Variants in KLK6 observed in about 807,000 individuals in gnomAD.
KLK6 encodes the protein kallikrein-6.
KLK6 carries 16 observed loss-of-function variants against 21.7 expected under a neutral mutation model. The ratio of observed to expected loss-of-function variants is 0.74; its 90% CI spans 0.50 to 1.12. The LOEUF (loss-of-function observed/expected upper bound fraction) is 1.12, where lower values mean the gene tolerates loss of function less well. Among genes scored for constraint, KLK6 ranks in the 50% most tolerant of loss-of-function variants. The pLI is 0.00. For missense variants in KLK6, 276 were observed against 304.6 expected (o/e 0.91, Z 0.70); for synonymous variants, 116 against 120.1 (o/e 0.97, Z 0.22).
intron 6 of KLK6, among the ~76,000 whole-genome samples, chr19:50,960,028 AGGGGGAAGACGAGGAGGAGGAGGG>A (rs2090808352): frequency 5.3e-5 from 4 of 76,106 alleles, no homozygotes; most frequent in Admixed American, 1.2e-4. Context: ...GAGGAGGAGG[AGGGGGAAGACGAGGAGGAGGAGGG>A]AGAGGAGGGG....
intron 4 of KLK6, among the ~76,000 whole-genome samples, chr19:50,964,036 C>T (rs1352291554): frequency 6.6e-6 from 1 of 152,168 alleles, no homozygotes; most frequent in African/African-American, 2.4e-5. Context: ...CGTGGCACAC[C>T]AGGCCTTGCA....
At chr19:50,959,338 T>G in intron 6 of KLK6, 22 bp from the exon 7 acceptor site, 1 of 1,596,256 alleles carries the variant, frequency 6.3e-7, no homozygotes, top group South Asian at 1.1e-5. Context: ...AGGGAGAAAG[T>G]CAGATACAGA....
chr19:50,966,787 C>G (rs60850416), intron 4 of KLK6, among the ~76,000 whole-genome samples: 1 of 152,014 alleles, frequency 6.6e-6, no homozygotes, highest in African/African-American at 2.4e-5. Flanking sequence ...GGTGACAGAG[C>G]GAGACTGTGT....
intron 5 of KLK6, 142 bp downstream of exon 5, chr19:50,963,160 C>T: frequency 8.3e-7 from 1 of 1,209,064 alleles, no homozygotes; most frequent in Non-Finnish European, 1.2e-6. Context: ...CTTGACCTTT[C>T]TCCCATTGAA....
chr19:50,963,522 A>G lies in KLK6; in HGVS notation c.225T>C (p.His75=), dbSNP rs768603007. Residue 75 remains histidine (H), a synonymous_variant, in exon 5 of 7, where the codon CAT becomes CAC. Coordinates refer to ENST00000310157, the MANE Select transcript of KLK6 (RefSeq NM_002774.4). ...KPNLQVFLGK[H]NLRQRESSQE... Reference sequence around the variant, plus strand: ...GGGAACTCTCCCTTTGCCGAAGGTTATGCTTCCCCAGGAAGACCTGAAGAT... The same window carrying G: ...GGGAACTCTCCCTTTGCCGAAGGTTGTGCTTCCCCAGGAAGACCTGAAGAT... 4 of 1,613,914 alleles carry G rather than the reference A, an allele frequency of 2.5e-6. No homozygotes were observed. In the African/African-American group the frequency reaches 4.0e-5, roughly 16 times the overall value.
At position 50,960,038 on chromosome 19, in the gene KLK6, C is replaced by G. The variant is rs909750082; in HGVS notation, c.583-722G>C. ...AGAAGGAGGAGGAGGAGGGGGAAGACGAGGAGGAGGAGGGAGAGGAGGGGG... is the reference window on the plus strand; with the variant it reads ...AGAAGGAGGAGGAGGAGGGGGAAGAGGAGGAGGAGGAGGGAGAGGAGGGGG... On this transcript the variant is annotated intron_variant, in intron 6 of 6. Transcript: ENST00000310157. Among the ~76,000 whole-genome samples the G allele has an allele frequency of 5.0e-3, 213 of 42,712 alleles. 1 individual carries two copies. The highest frequency in any genetic ancestry group is 6.0e-3 in the Non-Finnish European group (152 of 25,238). The allele number at this position is 42,712 out of a possible 152,430, so 28.0% of individuals were successfully genotyped here.
At chr19:50,964,322 T>TC (rs1311801976) in intron 4 of KLK6, among the ~76,000 whole-genome samples, 2 of 152,194 alleles carry the variant, frequency 1.3e-5, no homozygotes, top group Non-Finnish European at 2.9e-5. Flanking sequence ...AATTCCTATC[T>TC]CCCTCCCCTG....
In KLK6 at chr19:50,959,216, G is replaced by T. The variant is rs1385373118; in HGVS notation, c.683C>A (p.Thr228Asn). ...CGSKEKPGVYTNVCRYTNWIQ... is the reference protein window; with the variant it reads ...CGSKEKPGVYNNVCRYTNWIQ... ...CCAGTTCGTGTATCTGCAGACGTTG[G>T]TGTAGACTCCTGGCTTCTCCTTTGA... The change falls in exon 7 of 7, where the codon ACC becomes AAC. Residue 228 changes from threonine (T) to asparagine (N), a missense_variant. Coordinates refer to ENST00000310157, the MANE Select transcript of KLK6 (RefSeq NM_002774.4). 3 of 1,613,970 alleles carry T rather than the reference G, an allele frequency of 1.9e-6. No individual in the cohort carries two copies. Among genetic ancestry groups the T allele is most frequent in the East Asian group, 4.5e-5 (2 of 44,888 alleles).
At chr19:50,959,817 A>AG (rs1568535374) in intron 6 of KLK6, among the ~76,000 whole-genome samples, 1 of 6,874 alleles carries the variant, frequency 1.5e-4, no homozygotes, top group African/African-American at 7.8e-4. Flanking sequence ...AGGAGGAGGA[A>AG]GAGGAGGAGG....
At position 50,959,095 on chromosome 19, in the gene KLK6, C is replaced by G; in HGVS notation, c.*69G>C. On this transcript the variant is annotated 3_prime_UTR_variant, in exon 7 of 7. Coordinates refer to ENST00000310157, the MANE Select transcript of KLK6 (RefSeq NM_002774.4). ...GGCAGGAGAGGAGGGGAGGCAAGGT[C>G]TAGGTGAGAGACGTTCTGGAACCAG... 1.9e-6 allele frequency: 3 copies of G among 1,569,590 alleles called. No homozygotes were observed. Among genetic ancestry groups the G allele is most frequent in the Non-Finnish European group, 2.6e-6 (3 of 1,142,116 alleles).
At chr19:50,960,790 A>C (rs1044672781) in intron 6 of KLK6, among the ~76,000 whole-genome samples, 2 of 151,526 alleles carry the variant, frequency 1.3e-5, no homozygotes, top group African/African-American at 4.9e-5. Flanking sequence ...TTTGAGACGG[A>C]ATCTTGCTCT....
chr19:50,964,548 TC>T (rs2090896132), intron 4 of KLK6, among the ~76,000 whole-genome samples: 2 of 152,244 alleles, frequency 1.3e-5, no homozygotes, highest in African/African-American at 4.8e-5. Flanking sequence ...TTGTGGATTT[TC>T]CATTTCATTA....
intron 6 of KLK6, 26 bp downstream of exon 6, chr19:50,961,718 T>G: frequency 6.2e-7 from 1 of 1,609,474 alleles, no homozygotes; most frequent in African/African-American, 1.3e-5. Flanking sequence ...CCTGGCTGTG[T>G]AAGTGGCAGA....
Position 50,959,016 on chromosome 19 carries a change from G to A in KLK6, c.*148C>T. ...AAGGATGGAGCTGGGGTAAAACCAG[G>A]GAGAATCAGGACCCTCACGTCGCTG... On this transcript the variant is annotated 3_prime_UTR_variant, in exon 7 of 7. Coordinates refer to ENST00000310157, the MANE Select transcript of KLK6 (RefSeq NM_002774.4). 1.2e-6 allele frequency: 1 copy of A among 826,206 alleles called. No individual in the cohort carries two copies. Among genetic ancestry groups the A allele is most frequent in the Non-Finnish European group, 2.0e-6 (1 of 503,814 alleles). 51.2% of individuals were successfully genotyped at this position (826,206 alleles called of 1,614,324 possible).
chr19:50,963,564 G>T lies in KLK6; in HGVS notation c.198-15C>A, dbSNP rs1022037227. The stretch of plus-strand genomic sequence containing the variant: ...CCTGAAGATTCCTGGGAAGGAAGAG[G>T]GCTGGGTCTCACCTGGAGCCCTTGG... On this transcript the variant is annotated splice_polypyrimidine_tract_variant and intron_variant, in intron 4 of 6. Coordinates refer to ENST00000310157, the MANE Select transcript of KLK6 (RefSeq NM_002774.4). The T allele has an allele frequency of 3.1e-6, 5 of 1,613,376 alleles. No homozygotes were observed. The Admixed American group carries it at 8.3e-5, about 27-fold the overall frequency.
chr19:50,959,880 G>A (rs866957212), intron 6 of KLK6, among the ~76,000 whole-genome samples: 1 of 50,068 alleles, frequency 2.0e-5, no homozygotes, highest in Non-Finnish European at 3.7e-5. Context: ...AGGAGGAAGA[G>A]GAGGAGGAGG....
chr19:50,967,379 C>T, intron 3 of KLK6, 54 bp from the exon 4 acceptor site: 1 of 1,516,724 alleles, frequency 6.6e-7, no homozygotes. Context: ...CCAAGCGCAT[C>T]CCCCTCAACA....
Position 50,961,779 on chromosome 19 carries a change from C to A in KLK6, c.547G>T (p.Ala183Ser), listed in dbSNP as rs1171802856. The change falls in exon 6 of 7, where the codon GCT becomes TCT. Residue 183 changes from alanine to serine, a missense_variant. Ala to Ser is a moderately conservative substitution (Grantham distance 99). Coordinates refer to ENST00000310157, the MANE Select transcript of KLK6 (RefSeq NM_002774.4). ...PGQITQNMLCAGDEKYGKDSC... is the reference protein window; with the variant it reads ...PGQITQNMLCSGDEKYGKDSC... ...TCCTTCCCGTACTTCTCATCCCCAGCACACAACATGTTCTGGGTGATCTGG... is the reference window on the plus strand; with the variant it reads ...TCCTTCCCGTACTTCTCATCCCCAGAACACAACATGTTCTGGGTGATCTGG... 1.9e-6 allele frequency: 3 copies of A among 1,613,926 alleles called. No individual in the cohort carries two copies. The highest frequency in any genetic ancestry group is 2.5e-6 in the Non-Finnish European group (3 of 1,179,936).
intron 5 of KLK6, 122 bp from the exon 6 acceptor site, chr19:50,962,002 C>T (rs927772869): frequency 9.5e-6 from 10 of 1,049,770 alleles, no homozygotes; most frequent in Non-Finnish European, 1.3e-5. Context: ...TATTGGCACC[C>T]CTCTTCCTGT....
Sources: allele counts gnomAD v4.1 joint callset (sites outside exome capture counted in the v4.1 genomes callset), GRCh38; gene constraint gnomAD v4.1.1; transcripts MANE v1.5; gene names NCBI Gene and HGNC (gene_info 2026-07-23, HGNC 2026-07-21).